Variants in BBS9 observed in about 807,000 individuals in gnomAD.
The protein encoded by BBS9 is protein PTHB1.
BBS9 carries 89 observed loss-of-function variants against 117.7 expected under a neutral mutation model. The observed-to-expected ratio is 0.76, with a 90% confidence interval of 0.64 to 0.90. BBS9 has a LOEUF of 0.90. Ranked by LOEUF, BBS9 falls within the 40% of genes least tolerant of loss-of-function variation. The pLI, the probability that BBS9 is intolerant of heterozygous loss-of-function variation, is 0.00. For synonymous variants in BBS9, 379 were observed against 370.9 expected, an observed-to-expected ratio of 1.02 and a Z score of -0.25; for missense variants, 982 against 1,042.2, an observed-to-expected ratio of 0.94 and a Z score of 0.80.
intron 19 of BBS9, among the ~76,000 whole-genome samples, chr7:33,495,477 T>C (rs1047326023): frequency 6.6e-6 from 1 of 152,188 alleles, no homozygotes; most frequent in Non-Finnish European, 1.5e-5. Flanking sequence ...GTAGATGTTG[T>C]TTTTGGAGAG....
chr7:33,193,212 G>T (rs889302288), intron 5 of BBS9, among the ~76,000 whole-genome samples: 3 of 151,992 alleles, frequency 2.0e-5, no homozygotes, highest in African/African-American at 7.3e-5. Flanking sequence ...ATATCTGTCT[G>T]TTAGGGTTTT....
chr7:33,339,164 G>C (rs1370431227), intron 10 of BBS9, among the ~76,000 whole-genome samples: 1 of 152,154 alleles, frequency 6.6e-6, no homozygotes, highest in South Asian at 2.1e-4. Context: ...CAGTTCCACA[G>C]TCATCAGAGA....
chr7:33,295,999 C>T (rs1805186088), intron 9 of BBS9, among the ~76,000 whole-genome samples: 1 of 151,838 alleles, frequency 6.6e-6, no homozygotes, highest in South Asian at 2.1e-4. Flanking sequence ...AGAAAAATCC[C>T]AACAATTAAC....
intron 19 of BBS9, among the ~76,000 whole-genome samples, chr7:33,410,976 TGGCCACA>T (rs1278397229): frequency 6.7e-6 from 1 of 149,928 alleles, no homozygotes; most frequent in Admixed American, 6.7e-5. Flanking sequence ...TATATAATCT[TGGCCACA>T]GACCACAGAA....
At chr7:33,351,197 A>T (rs756075948) in intron 13 of BBS9, 22 bp from the exon 14 acceptor site, 27 of 1,504,588 alleles carry the variant, frequency 1.8e-5, no homozygotes, top group Non-Finnish European at 2.3e-5. Flanking sequence ...TGTAATTTAT[A>T]TTATTTTTAC....
At chr7:33,332,612 G>A (rs1435657575) in intron 9 of BBS9, among the ~76,000 whole-genome samples, 3 of 152,134 alleles carry the variant, frequency 2.0e-5, no homozygotes, top group Non-Finnish European at 4.4e-5. Flanking sequence ...GGGAGGCAGA[G>A]GTTGCAGTGA....
chr7:33,577,351 T>G (rs1023369790), intron 21 of BBS9, among the ~76,000 whole-genome samples: 3 of 152,176 alleles, frequency 2.0e-5, no homozygotes, highest in African/African-American at 4.8e-5. Flanking sequence ...ACCACAATGA[T>G]ATACCATCTC....
intron 9 of BBS9, among the ~76,000 whole-genome samples, chr7:33,296,802 G>T (rs1473581853): frequency 6.6e-6 from 1 of 152,056 alleles, no homozygotes; most frequent in Non-Finnish European, 1.5e-5. Flanking sequence ...AATTAATTTG[G>T]CACTTCCACT....
intron 19 of BBS9, among the ~76,000 whole-genome samples, chr7:33,479,292 G>C (rs1842208839): frequency 6.6e-6 from 1 of 151,924 alleles, no homozygotes; most frequent in Non-Finnish European, 1.5e-5. Context: ...TCCCATCTTT[G>C]TGTCCATGTG....
chr7:33,496,814 G>C (rs1290551060), intron 19 of BBS9, among the ~76,000 whole-genome samples: 2 of 152,202 alleles, frequency 1.3e-5, no homozygotes, highest in Non-Finnish European at 2.9e-5. Context: ...TTACATGCCT[G>C]TCTGGCATTT....
chr7:33,447,787 T>C (rs1046952695), intron 19 of BBS9, among the ~76,000 whole-genome samples: 1 of 152,156 alleles, frequency 6.6e-6, no homozygotes, highest in Non-Finnish European at 1.5e-5. Context: ...ATATAGCAGG[T>C]TATTTTTGGA....
At chr7:33,485,257 A>G (rs899435103) in intron 19 of BBS9, among the ~76,000 whole-genome samples, 5 of 151,356 alleles carry the variant, frequency 3.3e-5, no homozygotes, top group South Asian at 4.2e-4. Context: ...TTATTTACCT[A>G]TGTAACAAAT....
In BBS9 at chr7:33,306,931, A is replaced by G. The variant is rs147561261; in HGVS notation, c.1017-29510A>G. Reference sequence around the variant, plus strand: ...GCAAATAATTGAAGTAACACATTCTATAAGCAATCTCTTGAATGAAATAAG... The same window carrying G: ...GCAAATAATTGAAGTAACACATTCTGTAAGCAATCTCTTGAATGAAATAAG... On this transcript the variant is annotated intron_variant, in intron 9 of 22. Coordinates refer to ENST00000242067, the MANE Select transcript of BBS9 (RefSeq NM_198428.3). Among the ~76,000 whole-genome samples the G allele has an allele frequency of 2.5e-3, 382 of 152,222 alleles. 2 individuals are homozygous for G. The highest frequency in any genetic ancestry group is 8.9e-3 in the African/African-American group (371 of 41,578).
chr7:33,484,593 C>T (rs1842857532), intron 19 of BBS9, among the ~76,000 whole-genome samples: 1 of 152,150 alleles, frequency 6.6e-6, no homozygotes, highest in African/African-American at 2.4e-5. Context: ...AATGAGATAC[C>T]ATCTCATGCC....
At position 33,574,725 on chromosome 7, in the gene BBS9, A is replaced by ACACACACACG. The variant is rs1251263949; in HGVS notation, c.2522-30139_2522-30138insACACACACGC. 6.0e-3 allele frequency among the ~76,000 whole-genome samples: 759 copies of ACACACACACG among 125,774 alleles called. 3 individuals are homozygous for ACACACACACG. The highest frequency in any genetic ancestry group is 9.2e-3 in the Non-Finnish European group (568 of 61,560). The allele number at this position is 125,774 out of a possible 152,430, so 82.5% of individuals were successfully genotyped here. On this transcript the variant is annotated intron_variant, in intron 21 of 22. Transcript: ENST00000242067. ...CACACACACACACACACACACACAC[A>ACACACACACG]CGCGCACACACACACACTTTCACTA...
chr7:33,131,793 A>T (rs759078288), intron 1 of BBS9, among the ~76,000 whole-genome samples: 3 of 152,196 alleles, frequency 2.0e-5, no homozygotes, highest in African/African-American at 7.2e-5. Flanking sequence ...AAAATTATTA[A>T]AACTTTTTAA....
chr7:33,533,834 A>G, intron 20 of BBS9, 120 bp from the exon 21 acceptor site: 1 of 1,185,708 alleles, frequency 8.4e-7, no homozygotes, highest in South Asian at 1.3e-5. Context: ...TCCAGATACC[A>G]CACTCTTCAC....
intron 19 of BBS9, among the ~76,000 whole-genome samples, chr7:33,409,381 C>T (rs1383455713): frequency 6.6e-6 from 1 of 152,132 alleles, no homozygotes; most frequent in Non-Finnish European, 1.5e-5. Flanking sequence ...ATATGGATAG[C>T]CAGCTATCCC....
intron 20 of BBS9, among the ~76,000 whole-genome samples, chr7:33,516,487 C>CAAA (rs61006845): frequency 0.19 from 9,798 of 51,328 alleles, 1,187 homozygotes; most frequent in East Asian, 0.32. Flanking sequence ...ATTTCATCTC[C>CAAA]AAAAAAAAAA....
Sources: gnomAD v4.1 joint callset for allele counts (sites outside exome capture counted in the v4.1 genomes callset) on GRCh38, gnomAD v4.1.1 for gene constraint, MANE v1.5 for transcripts, NCBI Gene and HGNC (gene_info 2026-07-23, HGNC 2026-07-21) for gene names.